ZNF207: variants seen among roughly 807,000 people sequenced by gnomAD.
The protein encoded by ZNF207 is BUB3-interacting and GLEBS motif-containing protein ZNF207.
ZNF207 carries 24 observed loss-of-function variants against 60.2 expected under a neutral mutation model. The ratio of observed to expected loss-of-function variants is 0.40; its 90% CI spans 0.29 to 0.56. The LOEUF (loss-of-function observed/expected upper bound fraction) is 0.56, where lower values mean the gene tolerates loss of function less well. Ranked by LOEUF, ZNF207 falls within the 20% of genes least tolerant of loss-of-function variation. The pLI is 0.49. For missense variants in ZNF207, 452 were observed against 636.6 expected (o/e 0.71, Z 3.12); for synonymous variants, 236 against 194.7 (o/e 1.21, Z -1.77).
chr17:32,362,954 A>G lies in ZNF207; in HGVS notation c.640A>G (p.Ile214Val). 2.5e-6 allele frequency: 4 copies of G among 1,613,412 alleles called. No individual in the cohort carries two copies. Among genetic ancestry groups the G allele is most frequent in the African/African-American group, 1.3e-5 (1 of 75,022 alleles). Residue 214 changes from isoleucine (I) to valine (V), a missense_variant, in exon 7 of 12, where the codon ATA becomes GTA. Around this residue, in one of 2 missense-constraint regions of ZNF207, gnomAD observed 390 missense variants for 461.4 expected, o/e 0.85. Transcript: ENST00000394670. ...TGGAATGATGCCACCTGGACCAGGAATACCACCTCTGATGCCTGGAATGCC... is the reference window on the plus strand; with the variant it reads ...TGGAATGATGCCACCTGGACCAGGAGTACCACCTCTGATGCCTGGAATGCC... Reference protein sequence around the residue: ...MGGMMPPGPGIPPLMPGMPPG... With the variant: ...MGGMMPPGPGVPPLMPGMPPG...
chr17:32,363,208 C>A (rs1459571717), intron 7 of ZNF207, among the ~76,000 whole-genome samples: 1 of 152,138 alleles, frequency 6.6e-6, no homozygotes, highest in East Asian at 1.9e-4. Context: ...CTGCCTCAGC[C>A]TCCTGAGTAG....
intron 2 of ZNF207, among the ~76,000 whole-genome samples, chr17:32,352,466 A>T (rs183631314): frequency 1.1e-4 from 17 of 152,330 alleles, no homozygotes; most frequent in African/African-American, 2.9e-4. Flanking sequence ...ATAGTACCTT[A>T]CTAGGTTAGA....
At chr17:32,365,037 C>G (rs1057050682) in intron 7 of ZNF207, among the ~76,000 whole-genome samples, 9 of 152,124 alleles carry the variant, frequency 5.9e-5, no homozygotes, top group Admixed American at 3.3e-4. Flanking sequence ...TGAAATAATT[C>G]TTTTATATAT....
chr17:32,358,407 A>G lies in ZNF207; in HGVS notation c.169-96A>G, dbSNP rs1269723390. On this transcript the variant is annotated intron_variant, in intron 2 of 11. Transcript: ENST00000394670. Reference sequence around the variant, plus strand: ...CTGGGAATTGGCTCTACATGGCCTCACTATAGAACATTTATTCTTTATACT... The same window carrying G: ...CTGGGAATTGGCTCTACATGGCCTCGCTATAGAACATTTATTCTTTATACT... 2.4e-6 allele frequency: 3 copies of G among 1,232,638 alleles called. No homozygotes were observed. In the African/African-American group the frequency reaches 4.8e-5, roughly 20 times the overall value. 76.4% of individuals were successfully genotyped at this position (1,232,638 alleles called of 1,614,324 possible). A position where few individuals can be genotyped will look rare whatever the true frequency, so the allele number is the denominator to read the frequency against.
chr17:32,367,376 GTTT>G (rs371039583), intron 9 of ZNF207, among the ~76,000 whole-genome samples: 5 of 139,426 alleles, frequency 3.6e-5, no homozygotes, highest in African/African-American at 1.3e-4. Context: ...ATATTCTGTA[GTTT>G]TTTTTTTAGC....
At chr17:32,350,517 C>T (rs2041481266) in intron 1 of ZNF207, among the ~76,000 whole-genome samples, 191 bp downstream of exon 1, 1 of 152,086 alleles carries the variant, frequency 6.6e-6, no homozygotes, top group Non-Finnish European at 1.5e-5. Flanking sequence ...CAGGCTTTTG[C>T]AGTTGTGGGT....
rs1011327672 is a variant in ZNF207 at position 32,377,295 on chromosome 17, T to TG, written c.*7537dup. ...ATAAATAGTTTAGCAGTCACAGAGG[T>TG]GAAAAAAAAAAGATTTGCACCATCA... On this transcript the variant is annotated 3_prime_UTR_variant, in exon 12 of 12. Coordinates refer to ENST00000394670, the MANE Select transcript of ZNF207 (RefSeq NM_001098507.2). The TG allele has an allele frequency of 1.3e-5, 2 of 151,106 alleles. No homozygotes were observed. The highest frequency in any genetic ancestry group is 1.3e-4 in the Admixed American group (2 of 15,208). The allele number at this position is 151,106 out of a possible 1,614,324, so 9.4% of individuals were successfully genotyped here.
At chr17:32,364,579 C>G (rs757314614) in intron 7 of ZNF207, among the ~76,000 whole-genome samples, 1 of 151,936 alleles carries the variant, frequency 6.6e-6, no homozygotes, top group Non-Finnish European at 1.5e-5. Flanking sequence ...AGGCTGGTCT[C>G]GAACTCCTGA....
chr17:32,351,400 C>T (rs1042691468), intron 1 of ZNF207: 2 of 1,209,888 alleles, frequency 1.7e-6, no homozygotes, highest in African/African-American at 1.5e-5. Flanking sequence ...GTCTTCATAT[C>T]TAGTGAAGTA....
chr17:32,359,051 CT>C (rs1904708338), intron 3 of ZNF207, among the ~76,000 whole-genome samples: 1 of 151,560 alleles, frequency 6.6e-6, no homozygotes, highest in Non-Finnish European at 1.5e-5. Context: ...GATTTGCCCA[CT>C]TTTGCCTCGC....
chr17:32,375,518 T>C lies in ZNF207; in HGVS notation c.*5759T>C, dbSNP rs964754109. On this transcript the variant is annotated 3_prime_UTR_variant, in exon 12 of 12. Coordinates refer to ENST00000394670, the MANE Select transcript of ZNF207 (RefSeq NM_001098507.2). ...TAGATAACTAAGATAGTTCCTTTTT[T>C]TTTGTAGTTCTGTGACTCAGACAAA... 1.3e-5 allele frequency: 2 copies of C among 152,154 alleles called. No individual in the cohort carries two copies. The highest frequency in any genetic ancestry group is 2.4e-5 in the African/African-American group (1 of 41,462). The allele number at this position is 152,154 out of a possible 1,614,324, so 9.4% of individuals were successfully genotyped here. A position where few individuals can be genotyped will look rare whatever the true frequency, so the allele number is the denominator to read the frequency against.
chr17:32,365,066 T>C (rs559050310), intron 7 of ZNF207, among the ~76,000 whole-genome samples: 8 of 152,242 alleles, frequency 5.3e-5, no homozygotes, highest in Non-Finnish European at 1.2e-4. Flanking sequence ...GTTTGCTAAA[T>C]CAGTAGGACC....
rs1236882056 is a variant in ZNF207, at chr17:32,376,657, T to C, written c.*6898T>C. 1 of 152,094 alleles carries C rather than the reference T, an allele frequency of 6.6e-6. No individual in the cohort carries two copies. 9.4% of individuals were successfully genotyped at this position (152,094 alleles called of 1,614,324 possible). A position where few individuals can be genotyped will look rare whatever the true frequency, so the allele number is the denominator to read the frequency against. On this transcript the variant is annotated 3_prime_UTR_variant, in exon 12 of 12. Transcript: ENST00000394670. ...TGAACTATTCCTATTTGAAGCAAAT[T>C]GAACACTATTATAAATCTAGACTGG...
chr17:32,367,273 ATATATATAT>A lies in ZNF207; in HGVS notation c.922-498_922-490del, dbSNP rs1567825034. 2.4e-3 allele frequency among the ~76,000 whole-genome samples: 248 copies of A among 102,998 alleles called. 5 individuals are homozygous for A. The highest frequency in any genetic ancestry group is 7.6e-3 in the African/African-American group (200 of 26,268). The allele number at this position is 102,998 out of a possible 152,430, so 67.6% of individuals were successfully genotyped here. On this transcript the variant is annotated intron_variant, in intron 9 of 11. Coordinates refer to ENST00000394670, the MANE Select transcript of ZNF207 (RefSeq NM_001098507.2). ...TATATATATATATATATATATATAT[ATATATATAT>A]ATAAAGAATACTACTAAAGGATGTA... is the stretch of plus-strand genomic sequence containing the variant.
Position 32,370,851 on chromosome 17 carries a change from A to C in ZNF207, c.*1092A>C, listed in dbSNP as rs1352178835. On this transcript the variant is annotated 3_prime_UTR_variant, in exon 12 of 12. Coordinates refer to ENST00000394670, the MANE Select transcript of ZNF207 (RefSeq NM_001098507.2). ...TGCTGTTAATGGGTTATTATATATT[A>C]TTCTAAGTGTAATGCTGAGAATCTA... 1 of 152,210 alleles carries C rather than the reference A, an allele frequency of 6.6e-6. No homozygotes were observed. The highest frequency in any genetic ancestry group is 1.5e-5 in the Non-Finnish European group (1 of 68,036). The allele number at this position is 152,210 out of a possible 1,614,324, so 9.4% of individuals were successfully genotyped here. A position where few individuals can be genotyped will look rare whatever the true frequency, so the allele number is the denominator to read the frequency against.
intron 2 of ZNF207, among the ~76,000 whole-genome samples, chr17:32,354,099 C>T (rs1904356703): frequency 6.6e-6 from 1 of 152,026 alleles, no homozygotes; most frequent in Non-Finnish European, 1.5e-5. Context: ...CCTTAGCCTC[C>T]TGAGTACCTG....
At chr17:32,364,373 T>C (rs1343408602) in intron 7 of ZNF207, among the ~76,000 whole-genome samples, 2 of 151,438 alleles carry the variant, frequency 1.3e-5, no homozygotes, top group Non-Finnish European at 2.9e-5. Flanking sequence ...TTTTTTTTTT[T>C]TTGAGATGGA....
At chr17:32,356,856 C>T (rs547429066) in intron 2 of ZNF207, among the ~76,000 whole-genome samples, 1 of 152,072 alleles carries the variant, frequency 6.6e-6, no homozygotes, top group Non-Finnish European at 1.5e-5. Flanking sequence ...GAAAAAAAAT[C>T]CCAGATTTTC....
intron 8 of ZNF207, among the ~76,000 whole-genome samples, chr17:32,365,919 C>T (rs2150800061): frequency 6.6e-6 from 1 of 152,224 alleles, no homozygotes; most frequent in East Asian, 1.9e-4. Flanking sequence ...TACAATGCCG[C>T]ACTTGTGCTA....
Sources: allele counts gnomAD v4.1 joint callset (sites outside exome capture counted in the v4.1 genomes callset), GRCh38; gene constraint gnomAD v4.1.1; regional missense constraint gnomAD v4.1.1; transcripts MANE v1.5; gene names NCBI Gene and HGNC (gene_info 2026-07-23, HGNC 2026-07-21).